TRMT11: variants seen among roughly 807,000 people sequenced by gnomAD.
The protein encoded by TRMT11 is tRNA (guanine(10)-N(2))-methyltransferase TRMT11.
A neutral mutation model predicts 62.8 loss-of-function variants in TRMT11; 53 were observed. The observed-to-expected ratio is 0.84, with a 90% CI of 0.68 to 1.06. The LOEUF (loss-of-function observed/expected upper bound fraction) is 1.06, where lower values mean the gene tolerates loss of function less well. Among genes scored for constraint, TRMT11 ranks in the 50% least tolerant of loss-of-function variants. The pLI, the probability that TRMT11 is intolerant of heterozygous loss-of-function variation, is 0.00. For missense variants in TRMT11, 556 were observed against 553.4 expected (o/e 1.00, Z -0.05); for synonymous variants, 188 against 190.3 (o/e 0.99, Z 0.10).
chr6:126,166,165 T>C (rs1778259784), intron 21 of TRMT11, among the ~76,000 whole-genome samples: 1 of 152,150 alleles, frequency 6.6e-6, no homozygotes, highest in South Asian at 2.1e-4. Context: ...AAACTGGTTA[T>C]TCTAATTAGC....
Position 126,004,922 on chromosome 6 carries a change from G to A in TRMT11, c.680-3470G>A, listed in dbSNP as rs887469603. ...TGTTGTTTAGAATGACATTATGAGC[G>A]GCAGAAACACACTTTTCTTTCAATT... On this transcript the variant is annotated intron_variant, in intron 7 of 12. Transcript: ENST00000334379. Among the ~76,000 whole-genome samples, 5 of 152,040 alleles carry A rather than the reference G, an allele frequency of 3.3e-5. No individual in the cohort carries two copies. In the South Asian group the frequency reaches 6.2e-4, roughly 19 times the overall value.
chr6:126,120,886 C>G (rs796223387), intron 21 of TRMT11, among the ~76,000 whole-genome samples: 41 of 152,218 alleles, frequency 2.7e-4, no homozygotes, highest in African/African-American at 9.6e-4. Flanking sequence ...AAACTTCTTC[C>G]CTAAGTTTGG....
At chr6:125,997,647 A>G (rs1257047660) in intron 3 of TRMT11, among the ~76,000 whole-genome samples, 2 of 152,198 alleles carry the variant, frequency 1.3e-5, no homozygotes, top group African/African-American at 2.4e-5. Context: ...AGCTGGGGCT[A>G]TGGGTGTGTG....
chr6:126,103,953 G>A lies in TRMT11; in HGVS notation c.*1438-8913G>A, dbSNP rs1777433134. Among the ~76,000 whole-genome samples the A allele has an allele frequency of 2.0e-5, 3 of 152,122 alleles. No homozygotes were observed. The South Asian group carries it at 6.2e-4, about 32-fold the overall frequency. ...ATGAACAACAAGAATCTGGGGTCAT[G>A]GGGGGACCACCTTGGAGCCTATCCA... is the stretch of plus-strand genomic sequence containing the variant. On this transcript the variant is annotated intron_variant and NMD_transcript_variant, in intron 17 of 22. Transcript: ENST00000648977.
chr6:126,210,267 A>G, the TRMT11 span, among the ~76,000 whole-genome samples: 2 of 152,220 alleles, frequency 1.3e-5, no homozygotes, highest in African/African-American at 2.4e-5. Flanking sequence ...TTGACCTTGT[A>G]GAAGTAAATC....
chr6:126,067,101 G>A (rs943825226), intron 17 of TRMT11, among the ~76,000 whole-genome samples: 20 of 151,506 alleles, frequency 1.3e-4, no homozygotes, highest in African/African-American at 4.6e-4. Context: ...GGTGGTGTGC[G>A]CCTGTAATCA....
At chr6:126,015,268 C>T (rs1794826071) in intron 11 of TRMT11, among the ~76,000 whole-genome samples, 1 of 152,062 alleles carries the variant, frequency 6.6e-6, no homozygotes, top group Non-Finnish European at 1.5e-5. Context: ...CTCTGTCACC[C>T]AGGCTGGAGT....
At position 126,086,016 on chromosome 6, in the gene TRMT11, CAAAT is replaced by C. The variant is rs568132918; in HGVS notation, c.*1438-26849_*1438-26846del. Among the ~76,000 whole-genome samples the C allele has an allele frequency of 6.0e-4, 91 of 152,176 alleles. 1 individual carries two copies. The highest frequency in any genetic ancestry group is 7.9e-4 in the Admixed American group (12 of 15,284). On this transcript the variant is annotated intron_variant and NMD_transcript_variant, in intron 17 of 22. Transcript: ENST00000648977. ...AAACAAAACAAAACAAAACACAAAACAAATGAATGAGAAGTGGTATCAGAGGTCT... is the reference window on the plus strand; with the variant it reads ...AAACAAAACAAAACAAAACACAAAACGAATGAGAAGTGGTATCAGAGGTCT...
the TRMT11 span, among the ~76,000 whole-genome samples, chr6:126,232,412 C>CTT: frequency 6.8e-6 from 1 of 147,580 alleles, no homozygotes; most frequent in African/African-American, 2.5e-5. Context: ...CAGTAGAAAA[C>CTT]TTTTTTTTTT....
At chr6:126,268,508 T>G in the TRMT11 span, among the ~76,000 whole-genome samples, 1 of 152,210 alleles carries the variant, frequency 6.6e-6, no homozygotes, top group African/African-American at 2.4e-5. Flanking sequence ...CGTTCTGAAC[T>G]CGCATCTTTG....
rs181889571 is a variant in TRMT11 at position 125,996,075 on chromosome 6, C to G, written c.212+35C>G. On this transcript the variant is annotated intron_variant, in intron 3 of 12. Transcript: ENST00000334379. ...ACTTATGTTCTCCTGCATGAATATA[C>G]TGGTACTTCTCATAACCACTCAATC... 3.6e-4 allele frequency: 502 copies of G among 1,377,140 alleles called. 2 individuals carry two copies. Among genetic ancestry groups the G allele is most frequent in the Non-Finnish European group, 2.1e-5 (20 of 965,072 alleles). 85.3% of individuals were successfully genotyped at this position (1,377,140 alleles called of 1,614,324 possible).
intron 21 of TRMT11, among the ~76,000 whole-genome samples, chr6:126,125,430 A>G (rs1002896612): frequency 7.2e-5 from 11 of 152,072 alleles, no homozygotes; most frequent in African/African-American, 2.7e-4. Context: ...AGGGTGTTAA[A>G]TGGCATGATT....
chr6:126,012,922 A>G (rs1794441695), intron 10 of TRMT11, 48 bp from the exon 11 acceptor site: 15 of 1,609,096 alleles, frequency 9.3e-6, no homozygotes, highest in Non-Finnish European at 1.2e-5. Context: ...TTAACTTAGC[A>G]CTCTTAAAAT....
chr6:126,137,818 A>C (rs1777869637), intron 21 of TRMT11, among the ~76,000 whole-genome samples: 1 of 151,908 alleles, frequency 6.6e-6, no homozygotes, highest in African/African-American at 2.4e-5. Context: ...TGTCATTTGC[A>C]GCAACATGGA....
chr6:126,072,357 G>T (rs979492307), intron 17 of TRMT11, among the ~76,000 whole-genome samples: 7 of 152,118 alleles, frequency 4.6e-5, no homozygotes, highest in African/African-American at 1.7e-4. Context: ...ATTGTGGTTT[G>T]ATATTTTCTT....
At chr6:126,078,376 G>GTT (rs1443406575) in intron 17 of TRMT11, among the ~76,000 whole-genome samples, 1 of 151,082 alleles carries the variant, frequency 6.6e-6, no homozygotes, top group Admixed American at 6.6e-5. Flanking sequence ...ACTGCATCTG[G>GTT]TTTGCATTTT....
At chr6:126,038,437 CAAAAAAAAAA>C (rs72178194) in intron 12 of TRMT11, among the ~76,000 whole-genome samples, 15 of 129,262 alleles carry the variant, frequency 1.2e-4, no homozygotes, top group African/African-American at 4.0e-4. Flanking sequence ...TGCCCTGAGG[CAAAAAAAAAA>C]AAAAAAGAAA....
chr6:126,122,868 A>C (rs1777666384), intron 21 of TRMT11, among the ~76,000 whole-genome samples: 1 of 152,124 alleles, frequency 6.6e-6, no homozygotes, highest in Non-Finnish European at 1.5e-5. Context: ...TAGGGGCCAG[A>C]GCCCTGGTTC....
intron 1 of TRMT11, among the ~76,000 whole-genome samples, chr6:126,191,224 C>T (rs1428124479): frequency 6.6e-6 from 1 of 151,890 alleles, no homozygotes; most frequent in Non-Finnish European, 1.5e-5. Context: ...TACTTGTTGG[C>T]CATTTATATG....
Sources: gnomAD v4.1 joint callset for allele counts (sites outside exome capture counted in the v4.1 genomes callset) on GRCh38, gnomAD v4.1.1 for gene constraint, MANE v1.5 for transcripts, NCBI Gene and HGNC (gene_info 2026-07-23, HGNC 2026-07-21) for gene names.